RANBP17: variants seen among roughly 807,000 people sequenced by gnomAD.
The protein encoded by RANBP17 is ran-binding protein 17.
A neutral mutation model predicts 141.2 loss-of-function variants in RANBP17; 158 were observed. The observed-to-expected ratio is 1.12, with a 90% CI of 0.98 to 1.28. The LOEUF (loss-of-function observed/expected upper bound fraction) is 1.28, where lower values mean the gene tolerates loss of function less well. Among genes scored for constraint, RANBP17 ranks in the 50% most tolerant of loss-of-function variants. The pLI, the probability that RANBP17 is intolerant of heterozygous loss-of-function variation, is 0.00. For missense variants in RANBP17, 1,438 were observed against 1,290.7 expected, an observed-to-expected ratio of 1.11 and a Z score of -1.75; for synonymous variants, 430 against 450.0, an observed-to-expected ratio of 0.96 and a Z score of 0.56.
intron 14 of RANBP17, among the ~76,000 whole-genome samples, chr5:171,162,203 T>A (rs1448324819): frequency 6.6e-6 from 1 of 152,208 alleles, no homozygotes; most frequent in Non-Finnish European, 1.5e-5. Context: ...CATAGAAGAC[T>A]AGTTTAACAG....
At chr5:171,081,688 T>C (rs1254046439) in intron 14 of RANBP17, among the ~76,000 whole-genome samples, 1 of 152,168 alleles carries the variant, frequency 6.6e-6, no homozygotes, top group Non-Finnish European at 1.5e-5. Flanking sequence ...GAACATACAC[T>C]GCTAAATAAA....
chr5:170,866,970 ATAT>A (rs937075730), intron 1 of RANBP17: 2 of 152,204 alleles, frequency 1.3e-5, no homozygotes, highest in African/African-American at 2.4e-5. Flanking sequence ...TTCATCAGTA[ATAT>A]TGACCTCCCA....
intron 14 of RANBP17, among the ~76,000 whole-genome samples, chr5:171,090,845 C>T (rs1350421204): frequency 1.3e-5 from 2 of 152,176 alleles, no homozygotes; most frequent in Admixed American, 1.3e-4. Flanking sequence ...TGCGGGTGCA[C>T]AGAAGTCAAG....
intron 4 of RANBP17, among the ~76,000 whole-genome samples, chr5:170,893,985 G>A (rs79546096): frequency 0.029 from 4,451 of 152,162 alleles, 218 homozygotes; most frequent in African/African-American, 0.099. Flanking sequence ...ATAGTGCAGT[G>A]CTGGAAACCT....
intron 22 of RANBP17, among the ~76,000 whole-genome samples, chr5:171,232,494 C>CT (rs1027104195): frequency 4.6e-5 from 7 of 151,880 alleles, no homozygotes; most frequent in African/African-American, 1.7e-4. Context: ...AATTTCTTTT[C>CT]TTTTTTTTCT....
chr5:171,083,236 T>C (rs1785370820), intron 14 of RANBP17, among the ~76,000 whole-genome samples: 1 of 152,092 alleles, frequency 6.6e-6, no homozygotes, highest in African/African-American at 2.4e-5. Context: ...TATTTGGAGG[T>C]GGGACCTTTA....
chr5:170,934,150 T>G (rs1322182093), intron 12 of RANBP17, among the ~76,000 whole-genome samples: 1 of 152,234 alleles, frequency 6.6e-6, no homozygotes, highest in African/African-American at 2.4e-5. Context: ...GCTGAATTGA[T>G]CCCTTTACCA....
chr5:171,189,737 A>C (rs1581825705), intron 18 of RANBP17, among the ~76,000 whole-genome samples: 1 of 152,166 alleles, frequency 6.6e-6, no homozygotes, highest in South Asian at 2.1e-4. Flanking sequence ...TACTTTATAG[A>C]CGATGATTTG....
rs1301362433 is a variant in RANBP17, at chr5:170,924,545, A to C, written c.1463A>C (p.Gln488Pro). 6.3e-7 allele frequency: 1 copy of C among 1,592,232 alleles called. No homozygotes were observed. Among genetic ancestry groups the C allele is most frequent in the East Asian group, 2.3e-5 (1 of 44,362 alleles). The change falls in exon 12 of 28, where the codon CAG becomes CCG. Residue 488 changes from glutamine to proline, a missense_variant. By Grantham distance (76) the Gln-to-Pro change is moderately conservative. Transcript: ENST00000523189. Reference sequence around the variant, plus strand: ...GGTGTAACTGTGGACATCACCATTCAGGAAGGTCAGTAAACTTTATATGAC... The same window carrying C: ...GGTGTAACTGTGGACATCACCATTCCGGAAGGTCAGTAAACTTTATATGAC... The part of the protein sequence containing the change: ...YSGVTVDITI[Q>P]EGRLAWLVYL...
intron 14 of RANBP17, among the ~76,000 whole-genome samples, chr5:171,160,500 G>A (rs1037418770): frequency 6.6e-6 from 1 of 152,086 alleles, no homozygotes; most frequent in African/African-American, 2.4e-5. Context: ...AAATTCCACA[G>A]ATTAGGTACT....
chr5:170,913,493 C>T lies in RANBP17; in HGVS notation c.761-674C>T, dbSNP rs146874369. ...GAAAAGATGGTATGATTAAGTCCAG[C>T]GAGTATTAGAAATGTGATGTAATTA... On this transcript the variant is annotated intron_variant, in intron 7 of 27. Coordinates refer to ENST00000523189, the MANE Select transcript of RANBP17 (RefSeq NM_022897.5). 2.2e-3 allele frequency among the ~76,000 whole-genome samples: 339 copies of T among 151,928 alleles called. 1 individual carries two copies. Among genetic ancestry groups the T allele is most frequent in the African/African-American group, 7.3e-3 (303 of 41,434 alleles).
chr5:171,081,036 C>A (rs1785232721), intron 14 of RANBP17, among the ~76,000 whole-genome samples: 1 of 152,298 alleles, frequency 6.6e-6, no homozygotes, highest in African/African-American at 2.4e-5. Context: ...TTTGACCCCA[C>A]TTTATAGATG....
In RANBP17 at chr5:171,164,356, C is replaced by CT. The variant is rs532758424; in HGVS notation, c.1711-5767dup. On this transcript the variant is annotated intron_variant, in intron 14 of 27. Coordinates refer to ENST00000523189, the MANE Select transcript of RANBP17 (RefSeq NM_022897.5). ...ATTTTAAAAATTATTTCGGCACATG[C>CT]TTTTTTTATTCTTTATTAAATGTAC... Among the ~76,000 whole-genome samples, 34 of 152,214 alleles carry CT rather than the reference C, an allele frequency of 2.2e-4. No homozygotes were observed. In the South Asian group the frequency reaches 5.0e-3, roughly 22 times the overall value.
intron 12 of RANBP17, among the ~76,000 whole-genome samples, chr5:170,939,606 G>A (rs946378760): frequency 4.0e-5 from 6 of 151,864 alleles, no homozygotes; most frequent in Non-Finnish European, 8.8e-5. Flanking sequence ...GGTTGGTCTC[G>A]AACTTCTGAT....
intron 20 of RANBP17, chr5:171,206,431 G>A (rs1029336912): frequency 4.6e-5 from 7 of 153,434 alleles, no homozygotes; most frequent in African/African-American, 1.7e-4. Context: ...TAATAGTGTT[G>A]TATGACTTAT....
At chr5:171,006,754 A>G (rs1455075994) in intron 14 of RANBP17, among the ~76,000 whole-genome samples, 2 of 151,718 alleles carry the variant, frequency 1.3e-5, no homozygotes, top group Non-Finnish European at 2.9e-5. Flanking sequence ...AAAAAAAAAA[A>G]AAAAGAATAG....
At chr5:171,214,981 A>G (rs1017126089) in intron 21 of RANBP17, among the ~76,000 whole-genome samples, 1 of 152,044 alleles carries the variant, frequency 6.6e-6, no homozygotes, top group Non-Finnish European at 1.5e-5. Flanking sequence ...TGCTGCACCT[A>G]TCAACCCAAC....
intron 14 of RANBP17, among the ~76,000 whole-genome samples, chr5:171,044,272 T>A (rs1389780311): frequency 6.6e-6 from 1 of 152,034 alleles, no homozygotes; most frequent in Non-Finnish European, 1.5e-5. Flanking sequence ...TTTAACAGAT[T>A]GTATTGTTTA....
chr5:171,268,184 A>G (rs996225986), intron 25 of RANBP17, among the ~76,000 whole-genome samples: 1 of 152,216 alleles, frequency 6.6e-6, no homozygotes, highest in Non-Finnish European at 1.5e-5. Flanking sequence ...ATTTCTTGCC[A>G]TGGGACAAAG....
Sources: allele counts gnomAD v4.1 joint callset (sites outside exome capture counted in the v4.1 genomes callset), GRCh38; gene constraint gnomAD v4.1.1; transcripts MANE v1.5; gene names NCBI Gene and HGNC (gene_info 2026-07-23, HGNC 2026-07-21).